CRYBG1: variants seen among roughly 807,000 people sequenced by gnomAD.
The protein encoded by CRYBG1 is beta/gamma crystallin domain-containing protein 1.
In CRYBG1, 139 loss-of-function variants were observed where a neutral mutation model predicts 189.2. The ratio of observed to expected loss-of-function variants is 0.73; its 90% CI spans 0.64 to 0.85. The LOEUF (loss-of-function observed/expected upper bound fraction) is 0.85. Among genes scored for constraint, CRYBG1 ranks in the 40% least tolerant of loss-of-function variants. The pLI is 0.00. For missense variants in CRYBG1, 2,611 were observed against 2,675.8 expected (o/e 0.98, Z 0.53); for synonymous variants, 1,023 against 1,017.1 (o/e 1.01, Z -0.11).
At chr6:106,503,195 G>T (rs1378661075) in intron 2 of CRYBG1, among the ~76,000 whole-genome samples, 1 of 152,180 alleles carries the variant, frequency 6.6e-6, no homozygotes, top group East Asian at 1.9e-4. Flanking sequence ...GCCTCCCACT[G>T]GCTGAACCTA....
intron 18 of CRYBG1, among the ~76,000 whole-genome samples, chr6:106,559,366 A>C (rs1774643596): frequency 6.6e-6 from 1 of 152,264 alleles, no homozygotes; most frequent in African/African-American, 2.4e-5. Context: ...AGATATAAAA[A>C]TGAATGAGTA....
intron 21 of CRYBG1, among the ~76,000 whole-genome samples, chr6:106,565,763 T>C (rs1179056032): frequency 1.3e-5 from 2 of 152,202 alleles, no homozygotes; most frequent in Non-Finnish European, 2.9e-5. Flanking sequence ...GATTTGTCAA[T>C]ATGTAGACAG....
intron 1 of CRYBG1, among the ~76,000 whole-genome samples, chr6:106,383,692 T>C (rs949629010): frequency 2.0e-5 from 3 of 152,240 alleles, no homozygotes; most frequent in Non-Finnish European, 4.4e-5. Context: ...ATGTATCATA[T>C]GATATGTCAC....
intron 1 of CRYBG1, among the ~76,000 whole-genome samples, chr6:106,421,644 T>C (rs1307241990): frequency 1.3e-5 from 2 of 152,148 alleles, no homozygotes; most frequent in Non-Finnish European, 2.9e-5. Flanking sequence ...GTCCTGTTAA[T>C]CTATGGGCTA....
chr6:106,571,951 A>G lies in CRYBG1; in HGVS notation c.*3385A>G, dbSNP rs200786177. 6 of 1,455,342 alleles carry G rather than the reference A, an allele frequency of 4.1e-6. No homozygotes were observed. In the African/African-American group the frequency reaches 7.0e-5, roughly 17 times the overall value. The allele number at this position is 1,455,342 out of a possible 1,614,324, so 90.2% of individuals were successfully genotyped here. A position where few individuals can be genotyped will look rare whatever the true frequency, so the allele number is the denominator to read the frequency against. ...TAGAAAAAAATTTGGGCTCACAGGC[A>G]CTCACCAAATAAGAACGTCAACAAT... is the stretch of plus-strand genomic sequence containing the variant. On this transcript the variant is annotated 3_prime_UTR_variant, in exon 22 of 22. Coordinates refer to ENST00000633556, the MANE Select transcript of CRYBG1 (RefSeq NM_001371242.2).
intron 3 of CRYBG1, 110 bp from the exon 4 acceptor site, chr6:106,519,021 G>T: frequency 2.8e-6 from 3 of 1,054,764 alleles, no homozygotes; most frequent in Non-Finnish European, 4.0e-6. Context: ...CACTCCAAAT[G>T]TTATATATCA....
intron 1 of CRYBG1, among the ~76,000 whole-genome samples, chr6:106,366,863 T>G (rs1214664522): frequency 6.6e-6 from 1 of 152,230 alleles, no homozygotes; most frequent in Non-Finnish European, 1.5e-5. Context: ...GGTAGTAGTA[T>G]TAATACATAC....
At position 106,520,687 on chromosome 6, in the gene CRYBG1, G is replaced by C. The variant is rs755546436; in HGVS notation, c.3479G>C (p.Gly1160Ala). Residue 1160 changes from glycine (G) to alanine (A), a missense_variant, in exon 4 of 22, where the codon GGT (glycine) becomes GCT (alanine). By Grantham distance (60) the Gly-to-Ala change is moderately conservative. Around this residue, in one of 3 missense-constraint regions of CRYBG1, gnomAD observed 1,622 missense variants for 1,735.0 expected, o/e 0.93. Coordinates refer to ENST00000633556, the MANE Select transcript of CRYBG1 (RefSeq NM_001371242.2). ...TTTGATCCCAAAGTGTTTACCTTTG[G>C]TTTGGGGAAGAAGAAGGAAAGTCAG... ...KVFDPKVFTF[G>A]LGKKKESQPE... The C allele has an allele frequency of 6.2e-7, 1 of 1,614,168 alleles. No individual in the cohort carries two copies. Among genetic ancestry groups the C allele is most frequent in the Non-Finnish European group, 8.5e-7 (1 of 1,180,036 alleles).
chr6:106,451,596 G>T, intron 1 of CRYBG1, 98 bp from the exon 2 acceptor site: 1 of 1,197,462 alleles, frequency 8.4e-7, no homozygotes, highest in South Asian at 1.9e-5. Context: ...GGGCTGACTG[G>T]AAATATATTA....
In CRYBG1 at chr6:106,478,251, AT is replaced by A. The variant is rs1772373650; in HGVS notation, c.312+26420del. On this transcript the variant is annotated intron_variant, in intron 2 of 21. Coordinates refer to ENST00000633556, the MANE Select transcript of CRYBG1 (RefSeq NM_001371242.2). ...ATTAAAAAGAAAATAATGAGTGTGT[AT>A]GTATTATCCTTTTGTTTGAAGATTA... 3.9e-5 allele frequency among the ~76,000 whole-genome samples: 6 copies of A among 152,328 alleles called. No homozygotes were observed. In the South Asian group the frequency reaches 1.2e-3, roughly 32 times the overall value.
chr6:106,538,325 AC>A (rs1774051076), intron 8 of CRYBG1, among the ~76,000 whole-genome samples: 1 of 152,136 alleles, frequency 6.6e-6, no homozygotes, highest in Non-Finnish European at 1.5e-5. Flanking sequence ...GATTTCTGGC[AC>A]ATTAGAGGAG....
At chr6:106,521,739 G>A (rs113376914) in intron 4 of CRYBG1, among the ~76,000 whole-genome samples, 16 of 26,270 alleles carry the variant, frequency 6.1e-4, no homozygotes, top group Non-Finnish European at 1.1e-3. Flanking sequence ...TTTTTTTTGA[G>A]ACAGAGTCTC....
rs534325433 is a variant in CRYBG1, at chr6:106,534,401, G to A, written c.4718+4086G>A. 3.9e-5 allele frequency among the ~76,000 whole-genome samples: 6 copies of A among 152,154 alleles called. No homozygotes were observed. In the East Asian group the frequency reaches 1.2e-3, roughly 29 times the overall value. On this transcript the variant is annotated intron_variant, in intron 8 of 21. Coordinates refer to ENST00000633556, the MANE Select transcript of CRYBG1 (RefSeq NM_001371242.2). ...AAGTTTGGGCTCGTTGAACTTGGTT[G>A]GTGAGCTTAGACACCAGGTCATTAG...
intron 1 of CRYBG1, among the ~76,000 whole-genome samples, chr6:106,363,578 A>G (rs1381810685): frequency 2.0e-5 from 3 of 152,122 alleles, no homozygotes; most frequent in African/African-American, 7.2e-5. Flanking sequence ...TCTGTCCAGG[A>G]CTTGGAAGTG....
intron 2 of CRYBG1, chr6:106,457,117 T>C (rs1771904935): frequency 6.6e-6 from 1 of 152,174 alleles, no homozygotes; most frequent in Admixed American, 6.5e-5. Context: ...ATATCTAAAA[T>C]GGGTTAATTT....
At chr6:106,449,027 T>C (rs1055552779) in intron 1 of CRYBG1, among the ~76,000 whole-genome samples, 4 of 152,212 alleles carry the variant, frequency 2.6e-5, no homozygotes, top group African/African-American at 9.6e-5. Context: ...GTTTTATATG[T>C]GATAATATAT....
Position 106,538,189 on chromosome 6 carries a change from C to T in CRYBG1, c.4719-1214C>T, listed in dbSNP as rs909433783. ...ATGAAGCAGGTACATTAACCCCTCTCTTATAGAAAAGTCACTTCTTCAGCA... is the reference window on the plus strand; with the variant it reads ...ATGAAGCAGGTACATTAACCCCTCTTTTATAGAAAAGTCACTTCTTCAGCA... On this transcript the variant is annotated intron_variant, in intron 8 of 21. Transcript: ENST00000633556. 1.3e-4 allele frequency among the ~76,000 whole-genome samples: 20 copies of T among 152,270 alleles called. 2 individuals carry two copies. Among genetic ancestry groups the T allele is most frequent in the Admixed American group, 1.0e-3 (16 of 15,298 alleles).
At chr6:106,518,817 G>A (rs1773501635) in intron 3 of CRYBG1, among the ~76,000 whole-genome samples, 1 of 152,008 alleles carries the variant, frequency 6.6e-6, no homozygotes, top group Non-Finnish European at 1.5e-5. Context: ...AAAATTAGTT[G>A]GGTGTGTGAT....
At chr6:106,459,933 A>G (rs745491313) in intron 2 of CRYBG1, among the ~76,000 whole-genome samples, 21 of 152,238 alleles carry the variant, frequency 1.4e-4, no homozygotes, top group Non-Finnish European at 2.8e-4. Context: ...ATATATACTA[A>G]TATTTTCATT....
Sources: allele counts gnomAD v4.1 joint callset (sites outside exome capture counted in the v4.1 genomes callset), GRCh38; gene constraint gnomAD v4.1.1; regional missense constraint gnomAD v4.1.1; transcripts MANE v1.5; gene names NCBI Gene and HGNC (gene_info 2026-07-23, HGNC 2026-07-21).